Variants in RBFOX1 observed in about 807,000 individuals in gnomAD.
The protein encoded by RBFOX1 is RNA binding fox-1 homolog 1.
In RBFOX1, 8 loss-of-function variants were observed where a neutral mutation model predicts 57.7. The observed-to-expected ratio is 0.14, with a 90% CI of 0.08 to 0.25. RBFOX1 has a LOEUF of 0.25. RBFOX1 is among the 10% of genes least tolerant of loss of function. The pLI is 1.00. For synonymous variants in RBFOX1, 326 were observed against 222.4 expected (o/e 1.47, Z -4.15); for missense variants, 611 against 548.5 (o/e 1.11, Z -1.14).
chr16:5,815,494 A>T (rs571775674), intron 3 of RBFOX1, among the ~76,000 whole-genome samples: 4 of 152,076 alleles, frequency 2.6e-5, no homozygotes, highest in Non-Finnish European at 5.9e-5. Flanking sequence ...ATGAGTATTC[A>T]GTCACTAATG....
chr16:6,908,314 G>C lies in RBFOX1; in HGVS notation c.-15-143743G>C, dbSNP rs888150285. On this transcript the variant is annotated intron_variant, in intron 3 of 15. Transcript: ENST00000550418. The stretch of plus-strand genomic sequence containing the variant: ...CCTGCACCCCCAGCCTCTGACCATG[G>C]CTTGGGCCTGTCTTGTTCATCCAAG... 2.0e-5 allele frequency among the ~76,000 whole-genome samples: 3 copies of C among 151,590 alleles called. 1 individual carries two copies. Among genetic ancestry groups the C allele is most frequent in the Non-Finnish European group, 4.4e-5 (3 of 67,744 alleles).
At position 6,792,846 on chromosome 16, in the gene RBFOX1, T is replaced by C. The variant is rs566686211; in HGVS notation, c.-16+138196T>C. 2.6e-5 allele frequency among the ~76,000 whole-genome samples: 4 copies of C among 152,162 alleles called. 1 individual carries two copies. The South Asian group carries it at 8.3e-4, about 32-fold the overall frequency. On this transcript the variant is annotated intron_variant, in intron 3 of 15. Transcript: ENST00000550418. ...GAGTTCAAGACCAGCCTGGACAAGATGGTGAAACCCTGTCTCTACTAAAAA... is the reference window on the plus strand; with the variant it reads ...GAGTTCAAGACCAGCCTGGACAAGACGGTGAAACCCTGTCTCTACTAAAAA...
chr16:6,126,189 C>A (rs4786825), intron 1 of RBFOX1, among the ~76,000 whole-genome samples: 55,464 of 151,856 alleles, frequency 0.37, 10,908 homozygotes, highest in Non-Finnish European at 0.45. Context: ...AGAATTACAC[C>A]AAAAAAGGAA....
intron 1 of RBFOX1, among the ~76,000 whole-genome samples, chr16:6,249,100 C>T (rs1047232084): frequency 6.6e-6 from 1 of 152,074 alleles, no homozygotes; most frequent in Admixed American, 6.6e-5. Flanking sequence ...TAGTCCAGCC[C>T]CCACTCCCCT....
At chr16:6,541,302 A>C (rs2096814001) in intron 2 of RBFOX1, among the ~76,000 whole-genome samples, 1 of 152,230 alleles carries the variant, frequency 6.6e-6, no homozygotes, top group Admixed American at 6.5e-5. Context: ...CAATGGTAGA[A>C]ATAGGTGACT....
chr16:5,355,983 C>T (rs1002481639), intron 1 of RBFOX1, among the ~76,000 whole-genome samples: 1 of 152,170 alleles, frequency 6.6e-6, no homozygotes, highest in African/African-American at 2.4e-5. Flanking sequence ...CTCAGCTACT[C>T]AGGAGGCTGT....
intron 2 of RBFOX1, among the ~76,000 whole-genome samples, chr16:6,522,154 AGTGTGTGTGTGTGTGTGT>A (rs35360830): frequency 7.0e-5 from 10 of 142,856 alleles, no homozygotes; most frequent in South Asian, 4.7e-4. Flanking sequence ...GGGGACCCAC[AGTGTGTGTGTGTGTGTGT>A]GTGTGTGTGT....
At chr16:5,642,608 C>G (rs1046709632) in intron 3 of RBFOX1, among the ~76,000 whole-genome samples, 1 of 152,088 alleles carries the variant, frequency 6.6e-6, no homozygotes. Flanking sequence ...ATGTGCCTAG[C>G]CGCCCCCCCT....
intron 5 of RBFOX1, among the ~76,000 whole-genome samples, chr16:7,548,867 C>G (rs983785729): frequency 1.3e-5 from 2 of 152,160 alleles, no homozygotes; most frequent in African/African-American, 4.8e-5. Flanking sequence ...GTTAGGGACC[C>G]ACTTCATTAT....
intron 2 of RBFOX1, among the ~76,000 whole-genome samples, chr16:6,458,566 A>G (rs999032892): frequency 2.0e-5 from 3 of 152,218 alleles, no homozygotes; most frequent in African/African-American, 7.2e-5. Context: ...CCAGGCATCA[A>G]CCATTGGTGT....
At chr16:6,543,620 G>A (rs980453741) in intron 2 of RBFOX1, among the ~76,000 whole-genome samples, 120 of 152,242 alleles carry the variant, frequency 7.9e-4, no homozygotes, top group African/African-American at 2.6e-3. Context: ...CCACTTAGAT[G>A]CCCTCCCGGT....
intron 1 of RBFOX1, among the ~76,000 whole-genome samples, chr16:5,282,771 TA>T (rs2063303373): frequency 6.6e-6 from 1 of 152,180 alleles, no homozygotes. Context: ...AAGCAGAGCA[TA>T]AAAGTTTGGA....
At chr16:7,165,439 T>C (rs1220160803) in intron 4 of RBFOX1, among the ~76,000 whole-genome samples, 7 of 149,016 alleles carry the variant, frequency 4.7e-5, no homozygotes, top group Non-Finnish European at 7.4e-5. Flanking sequence ...ATTATTATTT[T>C]ACCATTTGAG....
At chr16:5,867,356 G>T (rs563466619) in intron 4 of RBFOX1, 1 of 1,179,688 alleles carries the variant, frequency 8.5e-7, no homozygotes, top group Non-Finnish European at 1.1e-6. Context: ...TGGTTTTTCT[G>T]TCCCTTTAGA....
chr16:6,727,877 G>A (rs2067613558), intron 3 of RBFOX1, among the ~76,000 whole-genome samples: 1 of 152,146 alleles, frequency 6.6e-6, no homozygotes, highest in Non-Finnish European at 1.5e-5. Context: ...TTACAGTCCA[G>A]TATTTACCTG....
chr16:6,607,308 C>T (rs1469083949), intron 2 of RBFOX1, among the ~76,000 whole-genome samples: 3 of 152,180 alleles, frequency 2.0e-5, no homozygotes, highest in Non-Finnish European at 1.5e-5. Flanking sequence ...CTCATATTCA[C>T]ATCCCTTAAA....
At chr16:6,724,314 G>A (rs1483681382) in intron 3 of RBFOX1, among the ~76,000 whole-genome samples, 2 of 150,770 alleles carry the variant, frequency 1.3e-5, no homozygotes, top group African/African-American at 4.9e-5. Context: ...GCTTCAAGCA[G>A]TTCTCTTGCC....
chr16:7,676,048 G>A (rs925900038), intron 13 of RBFOX1, among the ~76,000 whole-genome samples: 3 of 152,100 alleles, frequency 2.0e-5, no homozygotes, highest in African/African-American at 7.2e-5. Flanking sequence ...ACAACTAAAT[G>A]TTAATTATTT....
At chr16:7,361,172 A>G (rs1486879798) in intron 4 of RBFOX1, among the ~76,000 whole-genome samples, 1 of 151,994 alleles carries the variant, frequency 6.6e-6, no homozygotes, top group Non-Finnish European at 1.5e-5. Flanking sequence ...TCTGCTCCTA[A>G]CCTGGGTATG....
Sources: gnomAD v4.1 joint callset for allele counts (sites outside exome capture counted in the v4.1 genomes callset) on GRCh38, gnomAD v4.1.1 for gene constraint, MANE v1.5 for transcripts, NCBI Gene and HGNC (gene_info 2026-07-23, HGNC 2026-07-21) for gene names.